SLC35F3: variants seen among roughly 807,000 people sequenced by gnomAD.
The protein encoded by SLC35F3 is putative thiamine transporter SLC35F3.
In SLC35F3, 25 loss-of-function variants were observed where a neutral mutation model predicts 49.9. The ratio of observed to expected loss-of-function variants is 0.50; its 90% CI spans 0.37 to 0.70. The LOEUF (loss-of-function observed/expected upper bound fraction) is 0.70, where lower values mean the gene tolerates loss of function less well. Ranked by LOEUF, SLC35F3 falls within the 30% of genes least tolerant of loss-of-function variation. The probability of loss-of-function intolerance (pLI) is 0.00; values close to 1 mark genes in which losing one functional copy is unlikely to be tolerated. For synonymous variants in SLC35F3, 275 were observed against 265.4 expected (o/e 1.04, Z -0.35); for missense variants, 525 against 639.8 (o/e 0.82, Z 1.94).
In SLC35F3 at chr1:233,916,082, G is replaced by A. The variant is rs888449000; in HGVS notation, c.283+10324G>A. Among the ~76,000 whole-genome samples the A allele has an allele frequency of 7.2e-5, 11 of 152,290 alleles. No individual in the cohort carries two copies. In the South Asian group the frequency reaches 2.3e-3, roughly 32 times the overall value. On this transcript the variant is annotated intron_variant, in intron 2 of 7. Coordinates refer to ENST00000366618, the MANE Select transcript of SLC35F3 (RefSeq NM_173508.4). ...TTACACTGGTGTGAGTACTAAGGAAGAACTGAAGTCCCTTCCTATATACTT... is the reference window on the plus strand; with the variant it reads ...TTACACTGGTGTGAGTACTAAGGAAAAACTGAAGTCCCTTCCTATATACTT...
intron 3 of SLC35F3, among the ~76,000 whole-genome samples, chr1:234,240,416 C>G (rs1225070741): frequency 6.6e-6 from 1 of 151,496 alleles, no homozygotes; most frequent in Non-Finnish European, 1.5e-5. Context: ...ACCAGCCTGG[C>G]CAACATGACA....
intron 2 of SLC35F3, among the ~76,000 whole-genome samples, chr1:234,112,222 A>C (rs1665418132): frequency 6.6e-6 from 1 of 152,174 alleles, no homozygotes; most frequent in Non-Finnish European, 1.5e-5. Flanking sequence ...ATGGTGGTGC[A>C]TGCCTGTGAC....
intron 2 of SLC35F3, among the ~76,000 whole-genome samples, chr1:233,919,174 C>A (rs1662021141): frequency 6.6e-6 from 1 of 152,134 alleles, no homozygotes; most frequent in Admixed American, 6.5e-5. Context: ...CTATTTACTT[C>A]AGTTATTGCA....
intron 2 of SLC35F3, among the ~76,000 whole-genome samples, chr1:234,009,457 A>G (rs1663680705): frequency 6.6e-6 from 1 of 152,136 alleles, no homozygotes. Context: ...CTGAACCAGA[A>G]TTTTCTTTTA....
Position 234,318,017 on chromosome 1 carries a change from T to C in SLC35F3, c.955-734T>C, listed in dbSNP as rs536427975. Among the ~76,000 whole-genome samples, 4 of 152,324 alleles carry C rather than the reference T, an allele frequency of 2.6e-5. 1 individual carries two copies. The highest frequency in any genetic ancestry group is 9.6e-5 in the African/African-American group (4 of 41,574). ...CTTCCTGCATTTTTCAGGAAATACATGAATGAGTTGGGAAATGGCTGAACC... is the reference window on the plus strand; with the variant it reads ...CTTCCTGCATTTTTCAGGAAATACACGAATGAGTTGGGAAATGGCTGAACC... On this transcript the variant is annotated intron_variant, in intron 5 of 7. Transcript: ENST00000366618.
intron 2 of SLC35F3, among the ~76,000 whole-genome samples, chr1:234,029,977 G>A (rs909238391): frequency 2.6e-5 from 4 of 151,944 alleles, no homozygotes; most frequent in Non-Finnish European, 5.9e-5. Flanking sequence ...ATGCTTCTTG[G>A]CCAAAGAGAC....
chr1:234,273,174 T>C (rs540705366), intron 3 of SLC35F3, among the ~76,000 whole-genome samples: 5 of 152,366 alleles, frequency 3.3e-5, no homozygotes, highest in African/African-American at 1.2e-4. Context: ...GAGTTGGCAC[T>C]CCTACCTTCA....
At chr1:233,923,154 C>T (rs1272914219) in intron 2 of SLC35F3, among the ~76,000 whole-genome samples, 3 of 152,100 alleles carry the variant, frequency 2.0e-5, no homozygotes, top group Admixed American at 1.3e-4. Context: ...TCCATATGAA[C>T]TTTAAAGTAG....
chr1:234,319,460 T>C (rs899705787), intron 6 of SLC35F3, among the ~76,000 whole-genome samples: 5 of 152,188 alleles, frequency 3.3e-5, no homozygotes, highest in African/African-American at 1.2e-4. Flanking sequence ...CCCAGCACTT[T>C]GGGAGGCCAA....
intron 2 of SLC35F3, among the ~76,000 whole-genome samples, chr1:234,002,686 T>G (rs1208581070): frequency 6.6e-6 from 1 of 152,142 alleles, no homozygotes; most frequent in Non-Finnish European, 1.5e-5. Context: ...CTCCACTCCT[T>G]CATACCATAC....
At chr1:233,983,292 G>A (rs546708554) in intron 2 of SLC35F3, among the ~76,000 whole-genome samples, 1 of 152,176 alleles carries the variant, frequency 6.6e-6, no homozygotes, top group East Asian at 1.9e-4. Flanking sequence ...AGGACTATTT[G>A]TTTCCTTTAT....
At chr1:234,048,206 A>G (rs1040855239) in intron 2 of SLC35F3, among the ~76,000 whole-genome samples, 1 of 152,230 alleles carries the variant, frequency 6.6e-6, no homozygotes. Flanking sequence ...GTGAGAGAAG[A>G]AAGATAAATT....
chr1:234,150,500 T>C (rs1666060433), intron 2 of SLC35F3, among the ~76,000 whole-genome samples: 1 of 152,214 alleles, frequency 6.6e-6, no homozygotes, highest in South Asian at 2.1e-4. Context: ...CATGTAATGC[T>C]AACATTTTTA....
intron 2 of SLC35F3, among the ~76,000 whole-genome samples, chr1:233,980,473 C>G (rs1663165307): frequency 6.6e-6 from 1 of 152,208 alleles, no homozygotes; most frequent in South Asian, 2.1e-4. Context: ...GCCCACATCC[C>G]TTGCAGGGAC....
At chr1:234,034,641 C>T (rs1050189214) in intron 2 of SLC35F3, among the ~76,000 whole-genome samples, 1 of 119,902 alleles carries the variant, frequency 8.3e-6, no homozygotes, top group African/African-American at 7.0e-5. Context: ...CTGCCTCAGC[C>T]TCCCAAGTAG....
intron 2 of SLC35F3, among the ~76,000 whole-genome samples, chr1:233,955,425 G>A (rs1246546953): frequency 6.6e-6 from 1 of 152,084 alleles, no homozygotes; most frequent in African/African-American, 2.4e-5. Context: ...TGCTCATCTT[G>A]GCCGGGGACT....
chr1:233,973,560 C>G (rs771121896), intron 2 of SLC35F3, among the ~76,000 whole-genome samples: 2 of 152,210 alleles, frequency 1.3e-5, no homozygotes, highest in Non-Finnish European at 2.9e-5. Context: ...TCTTGTGAGA[C>G]ATGGTTCCTG....
chr1:234,154,677 T>C (rs1666125773), intron 2 of SLC35F3, among the ~76,000 whole-genome samples: 1 of 152,212 alleles, frequency 6.6e-6, no homozygotes, highest in South Asian at 2.1e-4. Context: ...AAAAATCAAA[T>C]ACGTGTCAGA....
chr1:233,977,259 G>A (rs1663107277), intron 2 of SLC35F3, among the ~76,000 whole-genome samples: 1 of 152,176 alleles, frequency 6.6e-6, no homozygotes, highest in Admixed American at 6.5e-5. Flanking sequence ...CTCTTCCTGC[G>A]ATAGCTGTTT....
Sources: gnomAD v4.1 joint callset for allele counts (sites outside exome capture counted in the v4.1 genomes callset) on GRCh38, gnomAD v4.1.1 for gene constraint, MANE v1.5 for transcripts, NCBI Gene and HGNC (gene_info 2026-07-23, HGNC 2026-07-21) for gene names.